The following IMMP2L variants were observed in gnomAD, a reference collection of about 807,000 sequenced individuals.
IMMP2L encodes the protein inner mitochondrial membrane peptidase subunit 2, also known as mitochondrial inner membrane protease subunit 2.
A neutral mutation model predicts 19.3 loss-of-function variants in IMMP2L; 18 were observed. That is an observed-to-expected ratio of 0.93 (90% CI 0.64 to 1.38). The LOEUF (loss-of-function observed/expected upper bound fraction) is 1.38, where lower values mean the gene tolerates loss of function less well. IMMP2L is among the 40% of genes most tolerant of loss of function. The pLI is 0.00. For missense variants in IMMP2L, 233 were observed against 218.2 expected (o/e 1.07, Z -0.43); for synonymous variants, 76 against 73.0 (o/e 1.04, Z -0.21).
At chr7:111,065,453 T>C (rs951428628) in intron 3 of IMMP2L, among the ~76,000 whole-genome samples, 3 of 152,126 alleles carry the variant, frequency 2.0e-5, no homozygotes, top group African/African-American at 7.2e-5. Flanking sequence ...TAATACTGAG[T>C]GTCAACTTGA....
intron 1 of IMMP2L, among the ~76,000 whole-genome samples, chr7:111,538,340 T>C (rs1413523602): frequency 5.3e-5 from 8 of 152,088 alleles, no homozygotes; most frequent in Non-Finnish European, 7.4e-5. Context: ...CCACATGCCA[T>C]AAATTTTATG....
intron 3 of IMMP2L, among the ~76,000 whole-genome samples, chr7:111,044,312 A>C (rs1051220814): frequency 2.0e-5 from 3 of 152,130 alleles, no homozygotes; most frequent in Non-Finnish European, 2.9e-5. Flanking sequence ...GTAATCCCAG[A>C]GCTTTGGGAG....
intron 5 of IMMP2L, among the ~76,000 whole-genome samples, chr7:110,810,931 G>A (rs1052787843): frequency 6.6e-5 from 10 of 152,128 alleles, no homozygotes; most frequent in South Asian, 6.2e-4. Context: ...GCTGAGATGC[G>A]TAAAGCTGAA....
chr7:111,236,139 T>C (rs143992292), intron 3 of IMMP2L, among the ~76,000 whole-genome samples: 1,625 of 152,250 alleles, frequency 0.011, 32 homozygotes, highest in African/African-American at 0.036. Flanking sequence ...ACTATTTCTC[T>C]CATTTGTGTT....
In IMMP2L at chr7:111,035,661, T is replaced by C. The variant is rs147788896; in HGVS notation, c.240-72096A>G. 4.2e-3 allele frequency among the ~76,000 whole-genome samples: 638 copies of C among 152,328 alleles called. 4 individuals carry two copies. The highest frequency in any genetic ancestry group is 0.015 in the African/African-American group (613 of 41,572). ...GCTATGGCTAGATACTTTCAAATTA[T>C]TGACAATTTCCTCCTGTCAATAAGA... On this transcript the variant is annotated intron_variant, in intron 3 of 5. Transcript: ENST00000405709.
chr7:111,427,692 A>G (rs1444034398), intron 3 of IMMP2L, among the ~76,000 whole-genome samples: 2 of 151,830 alleles, frequency 1.3e-5, no homozygotes, highest in Non-Finnish European at 2.9e-5. Context: ...GATCTTGACT[A>G]TGGATCAGAT....
chr7:111,334,620 T>C (rs926748721), intron 3 of IMMP2L, among the ~76,000 whole-genome samples: 1 of 152,106 alleles, frequency 6.6e-6, no homozygotes, highest in African/African-American at 2.4e-5. Flanking sequence ...TTGTATAACA[T>C]GGCATTTCAT....
intron 5 of IMMP2L, among the ~76,000 whole-genome samples, chr7:110,739,378 C>T (rs1410341468): frequency 6.6e-6 from 1 of 152,078 alleles, no homozygotes; most frequent in East Asian, 1.9e-4. Context: ...AAAGACATTC[C>T]ATGCAAATGG....
intron 4 of IMMP2L, among the ~76,000 whole-genome samples, chr7:110,907,094 C>A (rs997709361): frequency 6.6e-6 from 1 of 152,028 alleles, no homozygotes; most frequent in Non-Finnish European, 1.5e-5. Context: ...ACCCCTGAAG[C>A]CCCAGAAGGA....
chr7:111,435,424 T>C (rs1313476842), intron 3 of IMMP2L, among the ~76,000 whole-genome samples: 1 of 151,674 alleles, frequency 6.6e-6, no homozygotes, highest in Non-Finnish European at 1.5e-5. Context: ...GTAAAATAAC[T>C]CACAAAGTCA....
intron 3 of IMMP2L, among the ~76,000 whole-genome samples, chr7:111,278,890 T>C (rs1319403929): frequency 6.6e-6 from 1 of 152,102 alleles, no homozygotes; most frequent in Non-Finnish European, 1.5e-5. Flanking sequence ...ATCTTGTTCT[T>C]AACAGAATTA....
At chr7:111,360,804 C>T (rs1263850937) in intron 3 of IMMP2L, among the ~76,000 whole-genome samples, 2 of 152,058 alleles carry the variant, frequency 1.3e-5, no homozygotes, top group South Asian at 2.1e-4. Context: ...GGCGACAGAG[C>T]GATACCTTGT....
chr7:110,855,969 G>A (rs955162878), intron 5 of IMMP2L, among the ~76,000 whole-genome samples: 4 of 151,720 alleles, frequency 2.6e-5, no homozygotes, highest in African/African-American at 9.7e-5. Context: ...GTGATAGACC[G>A]AACAATAGAA....
chr7:111,280,651 G>A (rs1200113773), intron 3 of IMMP2L, among the ~76,000 whole-genome samples: 1 of 152,086 alleles, frequency 6.6e-6, no homozygotes, highest in Non-Finnish European at 1.5e-5. Context: ...AGGAAGTAAC[G>A]TACAGGATGA....
intron 5 of IMMP2L, among the ~76,000 whole-genome samples, chr7:110,872,655 T>C (rs1291160411): frequency 1.3e-5 from 2 of 152,150 alleles, no homozygotes; most frequent in African/African-American, 2.4e-5. Flanking sequence ...TTGACAATGA[T>C]TGACTCTTCC....
chr7:111,170,116 A>T (rs1806264124), intron 3 of IMMP2L, among the ~76,000 whole-genome samples: 1 of 151,894 alleles, frequency 6.6e-6, no homozygotes. Context: ...AAACTATGTC[A>T]GTATATTTTG....
intron 5 of IMMP2L, among the ~76,000 whole-genome samples, chr7:110,872,575 CT>C (rs1388918126): frequency 1.3e-5 from 2 of 152,120 alleles, no homozygotes; most frequent in Admixed American, 6.5e-5. Context: ...AACGCTGCCC[CT>C]AGGCCAGAAT....
intron 5 of IMMP2L, among the ~76,000 whole-genome samples, chr7:110,761,066 T>G (rs1798322677): frequency 6.6e-6 from 1 of 152,162 alleles, no homozygotes; most frequent in African/African-American, 2.4e-5. Flanking sequence ...AGAGCAGTTC[T>G]TCCTATGGAT....
chr7:111,249,919 G>C lies in IMMP2L; in HGVS notation c.239+237319C>G, dbSNP rs560774380. Reference sequence around the variant, plus strand: ...AGTTCTGGCCAGGGCAATCAGGCAAGAGAAAGAAATAAAGGATATTCAAAC... The same window carrying C: ...AGTTCTGGCCAGGGCAATCAGGCAACAGAAAGAAATAAAGGATATTCAAAC... On this transcript the variant is annotated intron_variant, in intron 3 of 5. Transcript: ENST00000405709. Among the ~76,000 whole-genome samples the C allele has an allele frequency of 1.5e-4, 23 of 152,266 alleles. No individual in the cohort carries two copies. The South Asian group carries it at 4.1e-3, about 27-fold the overall frequency.
Sources: gnomAD v4.1 joint callset for allele counts (sites outside exome capture counted in the v4.1 genomes callset) on GRCh38, gnomAD v4.1.1 for gene constraint, MANE v1.5 for transcripts, NCBI Gene and HGNC (gene_info 2026-07-23, HGNC 2026-07-21) for gene names.